Variants in TENM2 observed in about 807,000 individuals in gnomAD.
TENM2 encodes the protein teneurin transmembrane protein 2.
TENM2 carries 52 observed loss-of-function variants against 245.2 expected under a neutral mutation model. That is an observed-to-expected ratio of 0.21 (90% CI 0.17 to 0.27). The LOEUF (loss-of-function observed/expected upper bound fraction) is 0.27, where lower values mean the gene tolerates loss of function less well. Among genes scored for constraint, TENM2 ranks in the 10% least tolerant of loss-of-function variants. The pLI is 1.00. For missense variants in TENM2, 3,046 were observed against 3,666.8 expected, an observed-to-expected ratio of 0.83 and a Z score of 4.37; for synonymous variants, 1,363 against 1,438.9, an observed-to-expected ratio of 0.95 and a Z score of 1.19.
At chr5:167,768,139 C>G (rs1763163549) in intron 2 of TENM2, among the ~76,000 whole-genome samples, 1 of 152,134 alleles carries the variant, frequency 6.6e-6, no homozygotes, top group Non-Finnish European at 1.5e-5. Flanking sequence ...TGTTGACATT[C>G]ATTGTAATGA....
rs79925402 is a variant in TENM2, at chr5:167,361,043, A to T, written c.227-14155A>T. On this transcript the variant is annotated intron_variant, in intron 1 of 28. Coordinates refer to ENST00000518659, the Ensembl canonical transcript of TENM2. ...CAAATTGAATGGAACTTGAAAAGAC[A>T]TACGAATGGGGGTATTTCTATGTAG... 8.2e-3 allele frequency among the ~76,000 whole-genome samples: 1,254 copies of T among 152,322 alleles called. 19 individuals are homozygous for T. Among genetic ancestry groups the T allele is most frequent in the African/African-American group, 0.029 (1,185 of 41,564 alleles).
chr5:167,220,473 T>A, the TENM2 span, among the ~76,000 whole-genome samples: 5 of 152,212 alleles, frequency 3.3e-5, no homozygotes, highest in Admixed American at 3.3e-4. Context: ...ACATAGCTCA[T>A]TTTATTTTAC....
the TENM2 span, among the ~76,000 whole-genome samples, chr5:167,149,759 C>T: frequency 1.7e-3 from 260 of 152,312 alleles, no homozygotes; most frequent in African/African-American, 5.9e-3. Context: ...CTCCTTCCAA[C>T]GCTTCCCAGA....
intron 12 of TENM2, among the ~76,000 whole-genome samples, chr5:168,149,952 CCTTTAGGTTTTTTGCTCAAACAA>C (rs1756492776): frequency 6.6e-6 from 1 of 152,146 alleles, no homozygotes; most frequent in Non-Finnish European, 1.5e-5. Flanking sequence ...TTCCTCCCCT[CCTTTAGGTTTTTTGCTCAAACAA>C]CTTATCATCA....
the TENM2 span, among the ~76,000 whole-genome samples, chr5:167,011,147 G>A: frequency 3.8e-3 from 579 of 152,264 alleles, 2 homozygotes; most frequent in African/African-American, 0.013. Flanking sequence ...GGTCCTTGCA[G>A]TATCACCACC....
At chr5:167,990,377 T>C (rs1783575924) in intron 4 of TENM2, among the ~76,000 whole-genome samples, 1 of 152,242 alleles carries the variant, frequency 6.6e-6, no homozygotes, top group Non-Finnish European at 1.5e-5. Context: ...ACACTTACTA[T>C]GGGACACACC....
At chr5:167,519,983 T>C (rs1770645584) in intron 2 of TENM2, among the ~76,000 whole-genome samples, 1 of 152,136 alleles carries the variant, frequency 6.6e-6, no homozygotes, top group Admixed American at 6.5e-5. Flanking sequence ...CCGAAAACAT[T>C]CTAAAACTGA....
intron 9 of TENM2, among the ~76,000 whole-genome samples, chr5:168,100,898 A>G (rs1252652890): frequency 6.7e-6 from 1 of 149,570 alleles, no homozygotes; most frequent in Non-Finnish European, 1.5e-5. Context: ...CATTCTGCAC[A>G]TGTATTCCAA....
chr5:167,045,605 T>C, the TENM2 span, among the ~76,000 whole-genome samples: 1 of 152,212 alleles, frequency 6.6e-6, no homozygotes, highest in Admixed American at 6.5e-5. Context: ...AGTGGCATCA[T>C]GTTCTCCCAT....
At chr5:167,646,808 G>A (rs1370374505) in intron 2 of TENM2, among the ~76,000 whole-genome samples, 5 of 152,118 alleles carry the variant, frequency 3.3e-5, no homozygotes, top group Admixed American at 3.3e-4. Flanking sequence ...GAAAGACTAC[G>A]GCAAGCCAGA....
At chr5:167,814,091 G>A (rs749381549) in intron 2 of TENM2, among the ~76,000 whole-genome samples, 6 of 152,070 alleles carry the variant, frequency 3.9e-5, no homozygotes, top group African/African-American at 1.2e-4. Context: ...TTAAAAAGCC[G>A]TGCAATGAAA....
intron 2 of TENM2, among the ~76,000 whole-genome samples, chr5:167,851,270 T>G (rs1214667519): frequency 6.6e-6 from 1 of 152,138 alleles, no homozygotes; most frequent in Non-Finnish European, 1.5e-5. Flanking sequence ...GAATTCTGAG[T>G]CCTGCAATGG....
chr5:167,561,359 G>C (rs1352149628), intron 2 of TENM2, among the ~76,000 whole-genome samples: 1 of 152,176 alleles, frequency 6.6e-6, no homozygotes, highest in African/African-American at 2.4e-5. Flanking sequence ...AGGAGCCCAA[G>C]GTCATTGTAT....
the TENM2 span, among the ~76,000 whole-genome samples, chr5:167,095,042 T>G: frequency 6.6e-6 from 1 of 152,182 alleles, no homozygotes; most frequent in East Asian, 1.9e-4. Flanking sequence ...AAGTACATTA[T>G]GTACTCTAAT....
At chr5:167,942,561 C>T (rs779197703) in intron 3 of TENM2, among the ~76,000 whole-genome samples, 3 of 152,082 alleles carry the variant, frequency 2.0e-5, no homozygotes, top group African/African-American at 4.8e-5. Flanking sequence ...TATGGCAATG[C>T]CTCTTCCTCC....
chr5:167,146,924 A>G, the TENM2 span, among the ~76,000 whole-genome samples: 1 of 152,208 alleles, frequency 6.6e-6, no homozygotes, highest in Non-Finnish European at 1.5e-5. Context: ...TATTATTTTT[A>G]GGACACTAGA....
At chr5:167,696,378 A>C (rs1253103679) in intron 2 of TENM2, among the ~76,000 whole-genome samples, 1 of 152,238 alleles carries the variant, frequency 6.6e-6, no homozygotes, top group Non-Finnish European at 1.5e-5. Flanking sequence ...AGGTAAAGTA[A>C]GGTTAAAACT....
At position 167,541,742 on chromosome 5, in the gene TENM2, A is replaced by G. The variant is rs561044489; in HGVS notation, c.502+166269A>G. On this transcript the variant is annotated intron_variant, in intron 2 of 28. Coordinates refer to ENST00000518659, the Ensembl canonical transcript of TENM2. The stretch of plus-strand genomic sequence containing the variant: ...CTCCAATGTATCTCTGATACCTCCA[A>G]GGAGCATTAATTCATTTCCTCTGAA... 1.1e-4 allele frequency among the ~76,000 whole-genome samples: 17 copies of G among 152,308 alleles called. No individual in the cohort carries two copies. The South Asian group carries it at 3.1e-3, about 28-fold the overall frequency.
At chr5:167,043,757 A>G in the TENM2 span, among the ~76,000 whole-genome samples, 1 of 152,174 alleles carries the variant, frequency 6.6e-6, no homozygotes, top group Non-Finnish European at 1.5e-5. Context: ...CACGCCTGTA[A>G]TCCCAGCACT....
Sources: gnomAD v4.1 joint callset for allele counts (sites outside exome capture counted in the v4.1 genomes callset) on GRCh38, gnomAD v4.1.1 for gene constraint, MANE v1.5 for transcripts, NCBI Gene and HGNC (gene_info 2026-07-23, HGNC 2026-07-21) for gene names.